Variants in SYT6 observed in about 807,000 individuals in gnomAD.
The protein encoded by SYT6 is synaptotagmin 6, also known as synaptotagmin-6.
SYT6 carries 24 observed loss-of-function variants against 38.4 expected under a neutral mutation model. The observed-to-expected ratio is 0.62, with a 90% CI of 0.45 to 0.88. SYT6 has a LOEUF of 0.88. Among genes scored for constraint, SYT6 ranks in the 40% least tolerant of loss-of-function variants. SYT6 has a pLI of 0.00. For synonymous variants in SYT6, 265 were observed against 241.9 expected (o/e 1.10, Z -0.89); for missense variants, 611 against 621.0 (o/e 0.98, Z 0.17).
In SYT6 at chr1:114,130,491, G is replaced by T. The variant is rs759228973; in HGVS notation, c.1071+7004C>A. Among the ~76,000 whole-genome samples the T allele has an allele frequency of 5.3e-5, 8 of 152,210 alleles. No homozygotes were observed. The South Asian group carries it at 8.3e-4, about 16-fold the overall frequency. ...ACCCTCTTTCTCCTTCATCCTGGCT[G>T]TGGGCGTTCCCCAAAGCTCGGTTCT... On this transcript the variant is annotated intron_variant, in intron 3 of 7. Transcript: ENST00000610222.
intron 3 of SYT6, among the ~76,000 whole-genome samples, chr1:114,103,957 C>A (rs1319720088): frequency 6.6e-6 from 1 of 152,222 alleles, no homozygotes; most frequent in Non-Finnish European, 1.5e-5. Context: ...CTCTCAATGT[C>A]AACCACATTC....
At chr1:114,145,885 G>T (rs986147300) in intron 1 of SYT6, among the ~76,000 whole-genome samples, 2 of 152,150 alleles carry the variant, frequency 1.3e-5, no homozygotes, top group East Asian at 3.8e-4. Context: ...GAAAAGAGAG[G>T]TAGGAGAAGG....
At chr1:114,134,883 C>T (rs1406534658) in intron 3 of SYT6, among the ~76,000 whole-genome samples, 2 of 152,228 alleles carry the variant, frequency 1.3e-5, no homozygotes, top group Non-Finnish European at 1.5e-5. Flanking sequence ...GCTTAGTGCT[C>T]TGTCATTCCT....
At chr1:114,123,280 A>T (rs141797333) in intron 3 of SYT6, among the ~76,000 whole-genome samples, 2,036 of 152,284 alleles carry the variant, frequency 0.013, 17 homozygotes, top group Non-Finnish European at 0.022. Flanking sequence ...ACACACCACC[A>T]GAGCTGTTTT....
intron 3 of SYT6, among the ~76,000 whole-genome samples, chr1:114,113,441 T>C (rs1382229157): frequency 6.6e-6 from 1 of 152,092 alleles, no homozygotes; most frequent in Non-Finnish European, 1.5e-5. Flanking sequence ...TCTTCTAGAC[T>C]CCAGACTCAT....
At chr1:114,108,327 C>G (rs1483115190) in intron 3 of SYT6, among the ~76,000 whole-genome samples, 2 of 152,182 alleles carry the variant, frequency 1.3e-5, no homozygotes, top group Non-Finnish European at 2.9e-5. Flanking sequence ...CTGATTAAAG[C>G]ACTTCTCTCT....
At chr1:114,110,514 G>T (rs535032274) in intron 3 of SYT6, among the ~76,000 whole-genome samples, 3 of 152,110 alleles carry the variant, frequency 2.0e-5, no homozygotes, top group Non-Finnish European at 1.5e-5. Flanking sequence ...TGGGGGAAGC[G>T]GATGGTGGCT....
At chr1:114,130,497 G>A (rs374681220) in intron 3 of SYT6, among the ~76,000 whole-genome samples, 22 of 152,158 alleles carry the variant, frequency 1.4e-4, no homozygotes, top group East Asian at 9.7e-4. Flanking sequence ...GGCTGTGGGC[G>A]TTCCCCAAAG....
At chr1:114,143,574 G>GTGTA (rs572184359) in intron 1 of SYT6, among the ~76,000 whole-genome samples, 5 of 150,138 alleles carry the variant, frequency 3.3e-5, no homozygotes, top group African/African-American at 7.3e-5. Context: ...GTGTGTGTGT[G>GTGTA]TATATATATA....
chr1:114,093,924 C>A, intron 6 of SYT6, 121 bp from the exon 7 acceptor site: 1 of 925,808 alleles, frequency 1.1e-6, no homozygotes, highest in Admixed American at 1.9e-5. Flanking sequence ...TTTAACAGAC[C>A]TTCATTTTAG....
At chr1:114,146,222 AG>A (rs1679149269) in intron 1 of SYT6, among the ~76,000 whole-genome samples, 2 of 152,234 alleles carry the variant, frequency 1.3e-5, no homozygotes, top group Admixed American at 6.5e-5. Flanking sequence ...TAAGACCAGA[AG>A]CAGGCAGCAG....
chr1:114,126,754 C>T (rs1290040609), intron 3 of SYT6, among the ~76,000 whole-genome samples: 5 of 152,192 alleles, frequency 3.3e-5, no homozygotes, highest in African/African-American at 1.2e-4. Context: ...ATGAGGGGCA[C>T]ATTTGGCCGG....
At chr1:114,092,327 T>TCC (rs1557724895) in intron 7 of SYT6, among the ~76,000 whole-genome samples, 1 of 147,302 alleles carries the variant, frequency 6.8e-6, no homozygotes, top group African/African-American at 2.5e-5. Context: ...TCTCTCTCTC[T>TCC]CTCTCTCTCT....
chr1:114,099,941 C>A (rs896269913), intron 4 of SYT6, among the ~76,000 whole-genome samples: 2 of 152,120 alleles, frequency 1.3e-5, no homozygotes, highest in Non-Finnish European at 2.9e-5. Context: ...CACTTCTGGA[C>A]AGTGGAGAAT....
At chr1:114,138,105 G>C in intron 2 of SYT6, 52 bp from the exon 3 acceptor site, 1 of 1,530,842 alleles carries the variant, frequency 6.5e-7, no homozygotes, top group South Asian at 1.2e-5. Context: ...CTCAGGGGAA[G>C]GGGGATGAAG....
At chr1:114,145,870 TA>T (rs1679130893) in intron 1 of SYT6, among the ~76,000 whole-genome samples, 1 of 152,066 alleles carries the variant, frequency 6.6e-6, no homozygotes, top group African/African-American at 2.4e-5. Context: ...ATTGAATTCG[TA>T]AATGAAAAGA....
chr1:114,127,958 C>G (rs995692464), intron 3 of SYT6, among the ~76,000 whole-genome samples: 3 of 152,228 alleles, frequency 2.0e-5, no homozygotes, highest in Admixed American at 6.5e-5. Context: ...GCCTTGCAGC[C>G]CTACCAAGGA....
At chr1:114,128,580 C>T (rs1284228913) in intron 3 of SYT6, among the ~76,000 whole-genome samples, 1 of 152,226 alleles carries the variant, frequency 6.6e-6, no homozygotes, top group African/African-American at 2.4e-5. Context: ...ATCTTCCCCA[C>T]TCGGGTTCCA....
chr1:114,113,004 C>T (rs940004304), intron 3 of SYT6, among the ~76,000 whole-genome samples: 4 of 152,172 alleles, frequency 2.6e-5, no homozygotes, highest in Non-Finnish European at 5.9e-5. Context: ...CAAACAAGTG[C>T]CCTGAGGGGG....
Sources: gnomAD v4.1 joint callset for allele counts (sites outside exome capture counted in the v4.1 genomes callset) on GRCh38, gnomAD v4.1.1 for gene constraint, MANE v1.5 for transcripts, NCBI Gene and HGNC (gene_info 2026-07-23, HGNC 2026-07-21) for gene names.